NHSL1: variants seen among roughly 807,000 people sequenced by gnomAD.
The protein encoded by NHSL1 is NHS-like protein 1.
A neutral mutation model predicts 95.0 loss-of-function variants in NHSL1; 48 were observed. The observed-to-expected ratio is 0.51, with a 90% CI of 0.40 to 0.64. The LOEUF (loss-of-function observed/expected upper bound fraction) is 0.64. Among genes scored for constraint, NHSL1 ranks in the 30% least tolerant of loss-of-function variants. NHSL1 has a pLI of 0.00. For missense variants in NHSL1, 1,971 were observed against 2,077.7 expected, an observed-to-expected ratio of 0.95 and a Z score of 1.00; for synonymous variants, 783 against 833.9, an observed-to-expected ratio of 0.94 and a Z score of 1.05.
chr6:138,589,908 C>A (rs1237938128), intron 1 of NHSL1, among the ~76,000 whole-genome samples: 1 of 152,160 alleles, frequency 6.6e-6, no homozygotes, highest in Non-Finnish European at 1.5e-5. Context: ...TCCCCAGCCA[C>A]CTCACAAATG....
chr6:138,651,623 A>G (rs933888747), intron 1 of NHSL1, among the ~76,000 whole-genome samples: 1 of 152,212 alleles, frequency 6.6e-6, no homozygotes, highest in African/African-American at 2.4e-5. Context: ...GGGTAATAAC[A>G]TGGATCCGGA....
At chr6:138,551,573 A>G (rs1783004383) in intron 1 of NHSL1, among the ~76,000 whole-genome samples, 1 of 152,190 alleles carries the variant, frequency 6.6e-6, no homozygotes, top group East Asian at 1.9e-4. Flanking sequence ...CTATTCTACA[A>G]TACTTCTAGT....
intron 1 of NHSL1, among the ~76,000 whole-genome samples, chr6:138,672,745 G>A (rs528968170): frequency 6.6e-6 from 1 of 152,096 alleles, no homozygotes; most frequent in Non-Finnish European, 1.5e-5. Flanking sequence ...TCAGCTGGGC[G>A]CAGTGGCTCA....
upstream of NHSL1, among the ~76,000 whole-genome samples, chr6:138,575,088 G>A (rs574684824): frequency 1.3e-3 from 194 of 152,090 alleles, no homozygotes; most frequent in Non-Finnish European, 2.1e-3. Context: ...TAGTAGAGAC[G>A]GGGTTTCTCC....
At chr6:138,630,222 C>CAA (rs573054036) in intron 1 of NHSL1, among the ~76,000 whole-genome samples, 631 of 139,136 alleles carry the variant, frequency 4.5e-3, no homozygotes, top group African/African-American at 0.016. Context: ...CCACTCCCAC[C>CAA]AAAAAAAAAA....
rs1261680205 is a variant in NHSL1 at position 138,437,443 on chromosome 6, C to CAA, written c.665-3764_665-3763insTT. Reference sequence around the variant, plus strand: ...ACACACACACACACACACACACACACACAAAAAAAAAAAAAAAAAATACAA... The same window carrying CAA: ...ACACACACACACACACACACACACACAAACAAAAAAAAAAAAAAAAAATACAA... On this transcript the variant is annotated intron_variant, in intron 5 of 7. Transcript: ENST00000343505. Among the ~76,000 whole-genome samples, 28 of 41,598 alleles carry CAA rather than the reference C, an allele frequency of 6.7e-4. 5 individuals carry two copies. The highest frequency in any genetic ancestry group is 1.5e-3 in the African/African-American group (17 of 11,386). The allele number at this position is 41,598 out of a possible 152,430, so 27.3% of individuals were successfully genotyped here. A position where few individuals can be genotyped will look rare whatever the true frequency, so the allele number is the denominator to read the frequency against.
chr6:138,622,525 G>A (rs1784679840), intron 1 of NHSL1, among the ~76,000 whole-genome samples: 1 of 152,044 alleles, frequency 6.6e-6, no homozygotes, highest in Admixed American at 6.6e-5. Flanking sequence ...TGGTTCCCAC[G>A]TGGGGGTGTT....
At chr6:138,535,812 C>A (rs1419704701) in intron 1 of NHSL1, among the ~76,000 whole-genome samples, 1 of 152,172 alleles carries the variant, frequency 6.6e-6, no homozygotes, top group Non-Finnish European at 1.5e-5. Flanking sequence ...TGTAAAACAG[C>A]AAAAGACTCA....
Position 138,442,121 on chromosome 6 carries a change from T to A in NHSL1, c.533-7A>T. On this transcript the variant is annotated splice_polypyrimidine_tract_variant and splice_region_variant and intron_variant, in intron 4 of 7. Coordinates refer to ENST00000343505, the MANE Select transcript of NHSL1 (RefSeq NM_001144060.2). ...TGGCGATCGAAATTCTCCCCTAATG[T>A]AGAGTAGTAGAACAAGCAAAGCAAT... 6.5e-7 allele frequency: 1 copy of A among 1,543,840 alleles called. No individual in the cohort carries two copies. Among genetic ancestry groups the A allele is most frequent in the Non-Finnish European group, 8.7e-7 (1 of 1,143,934 alleles).
At chr6:138,648,045 TTTCA>T (rs1429663965) in intron 1 of NHSL1, among the ~76,000 whole-genome samples, 8 of 152,326 alleles carry the variant, frequency 5.3e-5, no homozygotes, top group African/African-American at 1.7e-4. Context: ...ATCTCTTCAA[TTTCA>T]TTGTTTCCTT....
At chr6:138,591,643 G>C (rs1261617920) in intron 1 of NHSL1, among the ~76,000 whole-genome samples, 1 of 152,054 alleles carries the variant, frequency 6.6e-6, no homozygotes, top group Non-Finnish European at 1.5e-5. Context: ...TGTTTCCCAG[G>C]CTGGTCTTAA....
chr6:138,553,172 A>AT (rs1238107987), intron 1 of NHSL1, among the ~76,000 whole-genome samples: 3 of 152,056 alleles, frequency 2.0e-5, no homozygotes, highest in African/African-American at 7.2e-5. Flanking sequence ...TGTACTCAGT[A>AT]TTTTTTTCCA....
chr6:138,595,788 G>A (rs184534976), intron 1 of NHSL1, among the ~76,000 whole-genome samples: 1 of 152,104 alleles, frequency 6.6e-6, no homozygotes, highest in African/African-American at 2.4e-5. Context: ...GAAACAAAAC[G>A]CTGAGTCCTA....
At chr6:138,456,850 A>C (rs1184033124) in intron 3 of NHSL1, among the ~76,000 whole-genome samples, 2 of 152,084 alleles carry the variant, frequency 1.3e-5, no homozygotes, top group African/African-American at 2.4e-5. Flanking sequence ...TTCAGAGTTG[A>C]ATGAAAAGGT....
Position 138,518,476 on chromosome 6 carries a change from ATT to A in NHSL1, c.17-22107_17-22106del, listed in dbSNP as rs79456955. ...TGAGGGTAGAACGTCCACAGGAATG[ATT>A]TTTTTTTTTTTTTTTTTAGAAAAAC... On this transcript the variant is annotated intron_variant, in intron 1 of 4. Coordinates refer to the NHSL1 transcript ENST00000342260. Among the ~76,000 whole-genome samples the A allele has an allele frequency of 3.2e-3, 436 of 137,006 alleles. 1 individual carries two copies. The highest frequency in any genetic ancestry group is 3.8e-3 in the Middle Eastern group (1 of 264). The allele number at this position is 137,006 out of a possible 152,430, so 89.9% of individuals were successfully genotyped here. A position where few individuals can be genotyped will look rare whatever the true frequency, so the allele number is the denominator to read the frequency against.
intron 1 of NHSL1, among the ~76,000 whole-genome samples, chr6:138,630,576 G>A (rs1784805577): frequency 6.6e-6 from 1 of 152,018 alleles, no homozygotes; most frequent in Non-Finnish European, 1.5e-5. Flanking sequence ...GTAGAGATGG[G>A]GTTTCTCCAT....
intron 2 of NHSL1, among the ~76,000 whole-genome samples, chr6:138,486,765 G>A (rs570604326): frequency 1.3e-5 from 2 of 152,318 alleles, no homozygotes; most frequent in East Asian, 1.9e-4. Flanking sequence ...CTGTGTGCTG[G>A]GGACACACAA....
intron 1 of NHSL1, among the ~76,000 whole-genome samples, chr6:138,519,577 T>C (rs1380482130): frequency 6.6e-6 from 1 of 152,228 alleles, no homozygotes; most frequent in African/African-American, 2.4e-5. Flanking sequence ...TTGTCCATGA[T>C]ACATCAACCC....
intron 3 of NHSL1, among the ~76,000 whole-genome samples, chr6:138,449,177 A>T (rs1342811976): frequency 6.6e-6 from 1 of 152,216 alleles, no homozygotes; most frequent in Non-Finnish European, 1.5e-5. Context: ...TATAAATCTG[A>T]AAAAGATTAG....
Sources: allele counts gnomAD v4.1 joint callset (sites outside exome capture counted in the v4.1 genomes callset), GRCh38; gene constraint gnomAD v4.1.1; transcripts MANE v1.5; gene names NCBI Gene and HGNC (gene_info 2026-07-23, HGNC 2026-07-21).